The following FNDC3B variants were observed in gnomAD, a reference collection of about 807,000 sequenced individuals.
FNDC3B encodes fibronectin type III domain-containing protein 3B.
FNDC3B carries 12 observed loss-of-function variants against 151.5 expected under a neutral mutation model. That is an observed-to-expected ratio of 0.08 (90% CI 0.05 to 0.13). The LOEUF (loss-of-function observed/expected upper bound fraction) is 0.13. FNDC3B is among the 10% of genes least tolerant of loss of function. The pLI is 1.00. For synonymous variants in FNDC3B, 528 were observed against 549.0 expected (o/e 0.96, Z 0.54); for missense variants, 1,214 against 1,505.3 (o/e 0.81, Z 3.20).
In FNDC3B at chr3:172,245,571, T is replaced by A. The variant is rs116267041; in HGVS notation, c.265-1962T>A. Among the ~76,000 whole-genome samples the A allele has an allele frequency of 8.8e-3, 1,341 of 152,332 alleles. 24 individuals are homozygous for A. The highest frequency in any genetic ancestry group is 0.03 in the African/African-American group (1,254 of 41,566). The stretch of plus-strand genomic sequence containing the variant: ...AAAATCATGATGTATTTATACTACA[T>A]GTGCTATTTATATACATGTGCTACC... On this transcript the variant is annotated intron_variant, in intron 4 of 25. Transcript: ENST00000415807.
rs530670144 is a variant in FNDC3B at position 172,261,157 on chromosome 3, C to T, written c.790+9616C>T. On this transcript the variant is annotated intron_variant, in intron 6 of 25. Transcript: ENST00000415807. ...CATTCTGTGGGCTGCATAGACCTGC[C>T]CTGCTACATTGCGGAAGGGGTCAGC... is the stretch of plus-strand genomic sequence containing the variant. Among the ~76,000 whole-genome samples the T allele has an allele frequency of 1.5e-4, 23 of 152,254 alleles. 1 individual carries two copies. The South Asian group carries it at 3.7e-3, about 25-fold the overall frequency.
At chr3:172,145,917 G>A (rs1414007242) in intron 3 of FNDC3B, among the ~76,000 whole-genome samples, 6 of 150,340 alleles carry the variant, frequency 4.0e-5, no homozygotes, top group South Asian at 2.1e-4. Flanking sequence ...GGGTTTAAGC[G>A]ATTCTCCTGC....
intron 16 of FNDC3B, 166 bp downstream of exon 16, chr3:172,337,567 A>G (rs1733050052): frequency 3.6e-6 from 2 of 551,926 alleles, no homozygotes; most frequent in South Asian, 5.2e-5. Flanking sequence ...TATTTCAAAC[A>G]CAGCACCAGA....
chr3:172,209,019 G>T (rs981020559), intron 3 of FNDC3B, among the ~76,000 whole-genome samples: 3 of 152,150 alleles, frequency 2.0e-5, no homozygotes, highest in Admixed American at 2.0e-4. Flanking sequence ...GCCCCAAAGA[G>T]GGTGTTACAG....
At chr3:172,181,108 G>A (rs796827277) in intron 3 of FNDC3B, among the ~76,000 whole-genome samples, 2 of 151,876 alleles carry the variant, frequency 1.3e-5, no homozygotes, top group African/African-American at 2.4e-5. Context: ...TATATTCTAA[G>A]ATGACAGCCT....
chr3:172,087,216 C>T (rs79887314), intron 1 of FNDC3B, among the ~76,000 whole-genome samples: 5,561 of 152,238 alleles, frequency 0.037, 312 homozygotes, highest in African/African-American at 0.12. Context: ...AGTTAAGGCG[C>T]ATAACTTACC....
chr3:172,310,282 A>G (rs1731402614), intron 10 of FNDC3B, among the ~76,000 whole-genome samples: 1 of 152,234 alleles, frequency 6.6e-6, no homozygotes, highest in Admixed American at 6.5e-5. Context: ...CTAACGTATG[A>G]AGGATGAATA....
At chr3:172,123,814 T>C (rs1011218719) in intron 2 of FNDC3B, among the ~76,000 whole-genome samples, 3 of 152,214 alleles carry the variant, frequency 2.0e-5, no homozygotes, top group Admixed American at 1.3e-4. Context: ...ATATAAAATA[T>C]TAATAAGAAT....
chr3:172,353,160 C>A, intron 22 of FNDC3B, 77 bp downstream of exon 22: 2 of 1,364,954 alleles, frequency 1.5e-6, no homozygotes, highest in Admixed American at 1.9e-5. Flanking sequence ...GGGAAAATGA[C>A]CAAGTGGATG....
chr3:172,065,684 A>G (rs559897934), intron 1 of FNDC3B, among the ~76,000 whole-genome samples: 1 of 152,344 alleles, frequency 6.6e-6, no homozygotes, highest in African/African-American at 2.4e-5. Flanking sequence ...ATTTACTTTG[A>G]AAAGGAATTA....
rs1725214213 is a variant in FNDC3B at position 172,202,602 on chromosome 3, A to G, written c.188-24269A>G. Among the ~76,000 whole-genome samples, 3 of 152,322 alleles carry G rather than the reference A, an allele frequency of 2.0e-5. No individual in the cohort carries two copies. The South Asian group carries it at 6.2e-4, about 32-fold the overall frequency. On this transcript the variant is annotated intron_variant, in intron 3 of 25. Transcript: ENST00000415807. ...GTAAGTTAGAAATTCTCCAAACGGA[A>G]CAGTGTATTGGTCTCTTTCCCAAAG...
At chr3:172,198,962 A>T (rs1246026668) in intron 3 of FNDC3B, among the ~76,000 whole-genome samples, 1 of 149,830 alleles carries the variant, frequency 6.7e-6, no homozygotes, top group Non-Finnish European at 1.5e-5. Context: ...GAGTAGCTGG[A>T]ACTACAGGTG....
chr3:172,158,408 G>A (rs532879645), intron 3 of FNDC3B, among the ~76,000 whole-genome samples: 1 of 152,270 alleles, frequency 6.6e-6, no homozygotes, highest in African/African-American at 2.4e-5. Flanking sequence ...TCAATGGCTA[G>A]TAATCTTGAG....
At chr3:172,383,379 G>T (rs931717850) in intron 25 of FNDC3B, among the ~76,000 whole-genome samples, 1 of 152,168 alleles carries the variant, frequency 6.6e-6, no homozygotes, top group Non-Finnish European at 1.5e-5. Context: ...AGATGATGGG[G>T]TTTTCTAAAC....
intron 23 of FNDC3B, among the ~76,000 whole-genome samples, chr3:172,366,492 T>C (rs1173388588): frequency 1.3e-5 from 2 of 151,968 alleles, no homozygotes; most frequent in African/African-American, 4.8e-5. Flanking sequence ...AAAAAAAACA[T>C]AGTTTCTGAT....
intron 4 of FNDC3B, among the ~76,000 whole-genome samples, chr3:172,230,768 C>T (rs7622153): frequency 0.028 from 4,295 of 152,194 alleles, 216 homozygotes; most frequent in African/African-American, 0.097. Flanking sequence ...AACCACACTG[C>T]AATACCTTAA....
chr3:172,277,276 G>A (rs745470289), intron 6 of FNDC3B, among the ~76,000 whole-genome samples: 14 of 152,276 alleles, frequency 9.2e-5, no homozygotes, highest in Non-Finnish European at 2.1e-4. Flanking sequence ...CTATAATTGG[G>A]TGGCTTAAGC....
Position 172,362,731 on chromosome 3 carries a change from A to C in FNDC3B, c.2894A>C (p.Glu965Ala). 6.2e-7 allele frequency: 1 copy of C among 1,614,102 alleles called. No homozygotes were observed. Among genetic ancestry groups the C allele is most frequent in the Non-Finnish European group, 8.5e-7 (1 of 1,179,992 alleles). The change falls in exon 23 of 26, where the codon GAA (glutamate) becomes GCA (alanine). Residue 965 changes from glutamate to alanine, a missense_variant. Glu to Ala is a moderately radical substitution (Grantham distance 107). Around this residue, in one of 7 missense-constraint regions of FNDC3B, gnomAD observed 284 missense variants for 392.4 expected, o/e 0.72. Coordinates refer to ENST00000415807, the MANE Select transcript of FNDC3B (RefSeq NM_022763.4). ...RPLPPLPPRL[E>A]CAAAGPQSLK... ...TTACCACCCTTGCCTCCTAGGCTAG[A>C]ATGTGCTGCTGCTGGTCCTCAGAGC...
At chr3:172,108,758 A>G (rs540357269) in intron 1 of FNDC3B, among the ~76,000 whole-genome samples, 3 of 152,326 alleles carry the variant, frequency 2.0e-5, no homozygotes, top group Non-Finnish European at 2.9e-5. Context: ...TTCCCTTTTC[A>G]TGCCTGGGGA....
Sources: allele counts gnomAD v4.1 joint callset (sites outside exome capture counted in the v4.1 genomes callset), GRCh38; gene constraint gnomAD v4.1.1; regional missense constraint gnomAD v4.1.1; transcripts MANE v1.5; gene names NCBI Gene and HGNC (gene_info 2026-07-23, HGNC 2026-07-21).